Variants in AUH observed in about 807,000 individuals in gnomAD.
AUH encodes the protein methylglutaconyl-CoA hydratase, mitochondrial.
In AUH, 29 loss-of-function variants were observed where a neutral mutation model predicts 42.3. The ratio of observed to expected loss-of-function variants is 0.69; its 90% CI spans 0.51 to 0.93. AUH has a LOEUF of 0.93. AUH is among the 40% of genes least tolerant of loss of function. The pLI is 0.00. For synonymous variants in AUH, 174 were observed against 166.4 expected, an observed-to-expected ratio of 1.05 and a Z score of -0.35; for missense variants, 452 against 438.1, an observed-to-expected ratio of 1.03 and a Z score of -0.28.
intron 6 of AUH, among the ~76,000 whole-genome samples, chr9:91,224,018 T>C (rs1486580821): frequency 6.6e-6 from 1 of 152,212 alleles, no homozygotes; most frequent in Non-Finnish European, 1.5e-5. Context: ...CCCTGCTATA[T>C]AAACCCCTAG....
intron 4 of AUH, among the ~76,000 whole-genome samples, chr9:91,314,264 G>A (rs376088372): frequency 1.3e-5 from 2 of 152,172 alleles, no homozygotes; most frequent in East Asian, 3.9e-4. Context: ...CAGCACTTCA[G>A]GAGGCCAAGG....
chr9:91,282,371 A>T (rs919420959), intron 6 of AUH, among the ~76,000 whole-genome samples: 3 of 152,024 alleles, frequency 2.0e-5, no homozygotes, highest in Non-Finnish European at 4.4e-5. Flanking sequence ...CTTCTGCCAT[A>T]ATACACAATT....
chr9:91,214,135 A>G lies in AUH; in HGVS notation c.*213T>C, dbSNP rs1826689637. ...ACTTTGATTCTGTTTCTGACTATACACTACTAGCTTTATAAATCTGAATGA... is the reference window on the plus strand; with the variant it reads ...ACTTTGATTCTGTTTCTGACTATACGCTACTAGCTTTATAAATCTGAATGA... On this transcript the variant is annotated 3_prime_UTR_variant, in exon 10 of 10. Coordinates refer to ENST00000375731, the MANE Select transcript of AUH (RefSeq NM_001698.3). The G allele has an allele frequency of 1.9e-6, 1 of 523,738 alleles. No homozygotes were observed. The highest frequency in any genetic ancestry group is 3.4e-6 in the Non-Finnish European group (1 of 290,648). 32.4% of individuals were successfully genotyped at this position (523,738 alleles called of 1,614,324 possible).
At chr9:91,272,579 T>C (rs1825231791) in intron 6 of AUH, among the ~76,000 whole-genome samples, 1 of 152,184 alleles carries the variant, frequency 6.6e-6, no homozygotes, top group Non-Finnish European at 1.5e-5. Flanking sequence ...AAACACCCGA[T>C]ACCCATTCTA....
At chr9:91,337,268 C>A (rs1830762909) in intron 3 of AUH, among the ~76,000 whole-genome samples, 1 of 152,194 alleles carries the variant, frequency 6.6e-6, no homozygotes, top group African/African-American at 2.4e-5. Context: ...TAGTTGAGAT[C>A]TGATGAAGAG....
intron 4 of AUH, among the ~76,000 whole-genome samples, chr9:91,317,275 C>T (rs1341852159): frequency 6.6e-6 from 1 of 152,202 alleles, no homozygotes; most frequent in Admixed American, 6.5e-5. Context: ...GGTGTAATTA[C>T]ACTGAATTAC....
intron 6 of AUH, among the ~76,000 whole-genome samples, chr9:91,288,297 T>TTG (rs1177311366): frequency 6.6e-6 from 1 of 152,182 alleles, no homozygotes; most frequent in African/African-American, 2.4e-5. Flanking sequence ...TCCTCTGAAC[T>TTG]TGTATTTCAT....
intron 6 of AUH, among the ~76,000 whole-genome samples, chr9:91,271,135 T>C (rs1216519939): frequency 6.6e-6 from 1 of 152,230 alleles, no homozygotes; most frequent in African/African-American, 2.4e-5. Context: ...ATCCCTCATA[T>C]AGATGTACTC....
chr9:91,282,894 C>T (rs1263774859), intron 6 of AUH, among the ~76,000 whole-genome samples: 6 of 152,082 alleles, frequency 3.9e-5, no homozygotes, highest in Non-Finnish European at 4.4e-5. Context: ...CAAGGAGGAG[C>T]GGGTACCATT....
chr9:91,360,585 A>G (rs992211144), intron 1 of AUH: 1 of 152,258 alleles, frequency 6.6e-6, no homozygotes, highest in African/African-American at 2.4e-5. Context: ...TACACGTGAG[A>G]TAAGTCTGCC....
intron 6 of AUH, among the ~76,000 whole-genome samples, chr9:91,227,953 G>A (rs1827618266): frequency 1.3e-5 from 2 of 152,100 alleles, no homozygotes; most frequent in Non-Finnish European, 2.9e-5. Flanking sequence ...GATTTGGTTT[G>A]CCAGTATTTT....
chr9:91,303,752 C>T (rs972057446), intron 4 of AUH, among the ~76,000 whole-genome samples: 1 of 152,212 alleles, frequency 6.6e-6, no homozygotes, highest in African/African-American at 2.4e-5. Flanking sequence ...TAAAATCTTT[C>T]AAGAAGAATA....
Position 91,284,802 on chromosome 9 carries a change from G to A in AUH, c.655+11219C>T, listed in dbSNP as rs140026926. ...TTAACATGGTGATTATTAAAAAGTC[G>A]GGAAACAACAGGTGCTGGAGAGGAT... On this transcript the variant is annotated intron_variant, in intron 6 of 9. Coordinates refer to ENST00000375731, the MANE Select transcript of AUH (RefSeq NM_001698.3). Among the ~76,000 whole-genome samples, 300 of 152,072 alleles carry A rather than the reference G, an allele frequency of 2.0e-3. 7 individuals carry two copies. The East Asian group carries it at 0.043, about 22-fold the overall frequency.
chr9:91,308,396 A>G lies in AUH; in HGVS notation c.506-10320T>C, dbSNP rs570413306. Among the ~76,000 whole-genome samples, 21 of 152,292 alleles carry G rather than the reference A, an allele frequency of 1.4e-4. No homozygotes were observed. The East Asian group carries it at 3.7e-3, about 27-fold the overall frequency. On this transcript the variant is annotated intron_variant, in intron 4 of 9. Coordinates refer to ENST00000375731, the MANE Select transcript of AUH (RefSeq NM_001698.3). ...AAAACTACATACTGAACTATGATTC[A>G]AAAGGAGAGGGATGTTAATAACTCA...
At chr9:91,236,307 A>G (rs1245661272) in intron 6 of AUH, among the ~76,000 whole-genome samples, 2 of 152,280 alleles carry the variant, frequency 1.3e-5, no homozygotes, top group East Asian at 3.9e-4. Flanking sequence ...AAGTACAAGA[A>G]GAGAGGAGAG....
intron 6 of AUH, among the ~76,000 whole-genome samples, chr9:91,289,311 T>C (rs1826669050): frequency 1.3e-5 from 2 of 152,224 alleles, no homozygotes; most frequent in African/African-American, 4.8e-5. Flanking sequence ...TAAGCATCTA[T>C]TTTTTCCACA....
intron 6 of AUH, among the ~76,000 whole-genome samples, chr9:91,290,683 T>A (rs1826795048): frequency 6.6e-6 from 1 of 152,046 alleles, no homozygotes; most frequent in Non-Finnish European, 1.5e-5. Flanking sequence ...GCACAGTGAG[T>A]TCACAAGACA....
intron 6 of AUH, among the ~76,000 whole-genome samples, chr9:91,291,466 T>G (rs568229575): frequency 6.6e-6 from 1 of 152,272 alleles, no homozygotes; most frequent in Non-Finnish European, 1.5e-5. Flanking sequence ...TTTTGCTTTA[T>G]TTCACATATT....
At chr9:91,236,528 G>C (rs1292036425) in intron 6 of AUH, among the ~76,000 whole-genome samples, 1 of 152,140 alleles carries the variant, frequency 6.6e-6, no homozygotes, top group Non-Finnish European at 1.5e-5. Flanking sequence ...GAGGAAAAGA[G>C]GGAAATGATT....
Sources: gnomAD v4.1 joint callset for allele counts (sites outside exome capture counted in the v4.1 genomes callset) on GRCh38, gnomAD v4.1.1 for gene constraint, MANE v1.5 for transcripts, NCBI Gene and HGNC (gene_info 2026-07-23, HGNC 2026-07-21) for gene names.